The following NUDT13 variants were observed in gnomAD, a reference collection of about 807,000 sequenced individuals.
NUDT13 encodes the protein NAD(P)H pyrophosphatase NUDT13, mitochondrial.
In NUDT13, 40 loss-of-function variants were observed where a neutral mutation model predicts 41.7. The ratio of observed to expected loss-of-function variants is 0.96; its 90% confidence interval spans 0.75 to 1.25. The LOEUF (loss-of-function observed/expected upper bound fraction) is 1.25, where lower values mean the gene tolerates loss of function less well. NUDT13 is among the 50% of genes most tolerant of loss of function. NUDT13 has a pLI of 0.00. For synonymous variants in NUDT13, 145 were observed against 155.5 expected, an observed-to-expected ratio of 0.93 and a Z score of 0.50; for missense variants, 390 against 416.1, an observed-to-expected ratio of 0.94 and a Z score of 0.55.
chr10:73,124,814 A>C, intron 5 of NUDT13: 1 of 245,932 alleles, frequency 4.1e-6, no homozygotes. Context: ...TGTACTGGGA[A>C]TGTTTTATTT....
chr10:73,125,259 A>G lies in NUDT13; in HGVS notation c.591+16A>G. 1.9e-6 allele frequency: 3 copies of G among 1,607,130 alleles called. No homozygotes were observed. Among genetic ancestry groups the G allele is most frequent in the Non-Finnish European group, 2.5e-6 (3 of 1,176,898 alleles). On this transcript the variant is annotated intron_variant, in intron 6 of 8. Transcript: ENST00000357321. ...TTATCCACAGGTAATTATTGCTGTA[A>G]GAGGACAGTAATCCAAGAAGACTGT... is the stretch of plus-strand genomic sequence containing the variant.
At chr10:73,124,410 T>C in intron 5 of NUDT13, 90 bp downstream of exon 5, 1 of 839,814 alleles carries the variant, frequency 1.2e-6, no homozygotes, top group Non-Finnish European at 2.0e-6. Flanking sequence ...GAGTGACGTT[T>C]GATTTCTTCT....
chr10:73,130,629 T>G, intron 8 of NUDT13, 74 bp from the exon 9 acceptor site: 1 of 1,246,192 alleles, frequency 8.0e-7, no homozygotes, highest in Non-Finnish European at 1.2e-6. Context: ...AGAATCATTT[T>G]CTGACCTTTG....
chr10:73,125,652 T>TATATAC, intron 7 of NUDT13, 143 bp downstream of exon 7: 1 of 68,118 alleles, frequency 1.5e-5, no homozygotes, highest in Non-Finnish European at 2.5e-5. Context: ...TCTGGCATTT[T>TATATAC]ATATATATAT....
At position 73,122,114 on chromosome 10, in the gene NUDT13, G is replaced by GTAGT. The variant is rs1437291010; in HGVS notation, c.224-60_224-57dup. 4 of 1,557,804 alleles carry GTAGT rather than the reference G, an allele frequency of 2.6e-6. 1 individual carries two copies. The East Asian group carries it at 9.1e-5, about 35-fold the overall frequency. ...GATTTTCTGTGAGTCTAATATGGCT[G>GTAGT]TAGTGATTTAATAGAAACCCTTGTG... On this transcript the variant is annotated intron_variant, in intron 3 of 8. Transcript: ENST00000357321.
intron 1 of NUDT13, among the ~76,000 whole-genome samples, chr10:73,111,229 C>T (rs1842359076): frequency 6.6e-6 from 1 of 152,088 alleles, no homozygotes. Flanking sequence ...CCGCCCACCT[C>T]GGCCTCCCAA....
chr10:73,114,285 C>A (rs1842443196), intron 1 of NUDT13, 72 bp from the exon 2 acceptor site: 1 of 656,576 alleles, frequency 1.5e-6, no homozygotes, highest in Non-Finnish European at 2.5e-6. Context: ...TAAAGTATAA[C>A]CCTCTTGGCA....
At chr10:73,112,846 A>C (rs1302803750) in intron 1 of NUDT13, among the ~76,000 whole-genome samples, 2 of 151,160 alleles carry the variant, frequency 1.3e-5, no homozygotes, top group Non-Finnish European at 3.0e-5. Context: ...CCCTGTTACT[A>C]TATATATATA....
intron 2 of NUDT13, among the ~76,000 whole-genome samples, chr10:73,115,386 C>G (rs1479594981): frequency 1.3e-5 from 2 of 152,018 alleles, no homozygotes; most frequent in African/African-American, 4.8e-5. Context: ...CCATGTTGTC[C>G]ATGCTGGTCT....
At chr10:73,125,707 G>A (rs1842758628) in intron 7 of NUDT13, among the ~76,000 whole-genome samples, 198 bp downstream of exon 7, 1 of 144,686 alleles carries the variant, frequency 6.9e-6, no homozygotes, top group Admixed American at 6.8e-5. Flanking sequence ...TTTTTGAGAT[G>A]GGAGTCTCAC....
chr10:73,121,303 C>T (rs1842641106), intron 3 of NUDT13, among the ~76,000 whole-genome samples: 1 of 152,194 alleles, frequency 6.6e-6, no homozygotes, highest in South Asian at 2.1e-4. Flanking sequence ...TATATACTAA[C>T]TTCCGTATTG....
rs1308051472 is a variant in NUDT13, at chr10:73,124,077, C to T, written c.359-137C>T. On this transcript the variant is annotated intron_variant, in intron 4 of 8. Transcript: ENST00000357321. ...TCAGTCTCCTGAGTAGCTGGGACTA[C>T]AGGCACACGCCCCCCACACCTAGCT... is the stretch of plus-strand genomic sequence containing the variant. 4.9e-6 allele frequency: 3 copies of T among 616,450 alleles called. No homozygotes were observed. The East Asian group carries it at 8.3e-5, about 17-fold the overall frequency. The allele number at this position is 616,450 out of a possible 1,614,324, so 38.2% of individuals were successfully genotyped here. A position where few individuals can be genotyped will look rare whatever the true frequency, so the allele number is the denominator to read the frequency against.
rs189242993 is a variant in NUDT13 at position 73,129,267 on chromosome 10, G to A, written c.859-1436G>A. Among the ~76,000 whole-genome samples the A allele has an allele frequency of 4.7e-5, 7 of 147,538 alleles. 1 individual carries two copies. Among genetic ancestry groups the A allele is most frequent in the Admixed American group, 3.4e-4 (5 of 14,576 alleles). ...AGCTCACTGCAACCTTCGCCTCCCA[G>A]GTTCAAGCAATTCTCCTGCCTCAGC... On this transcript the variant is annotated intron_variant, in intron 8 of 8. Transcript: ENST00000357321.
At chr10:73,122,529 T>A (rs1842669185) in intron 4 of NUDT13, among the ~76,000 whole-genome samples, 1 of 152,204 alleles carries the variant, frequency 6.6e-6, no homozygotes, top group Admixed American at 6.5e-5. Context: ...GGTACATGAA[T>A]ATTTATGGTA....
At chr10:73,120,244 G>C (rs1842612083) in intron 3 of NUDT13, 87 bp downstream of exon 3, 1 of 1,381,990 alleles carries the variant, frequency 7.2e-7, no homozygotes, top group African/African-American at 1.5e-5. Flanking sequence ...AAAGATCCTT[G>C]AACTTTGGAG....
intron 3 of NUDT13, among the ~76,000 whole-genome samples, chr10:73,120,638 T>C (rs774742863): frequency 2.0e-5 from 3 of 152,114 alleles, no homozygotes; most frequent in Non-Finnish European, 4.4e-5. Context: ...ACAGTTATGC[T>C]AATTCAGAGT....
chr10:73,123,220 T>A (rs1842690215), intron 4 of NUDT13, among the ~76,000 whole-genome samples: 4 of 152,204 alleles, frequency 2.6e-5, no homozygotes, highest in Admixed American at 2.0e-4. Context: ...TATTTCAGTA[T>A]TTCATAAGAA....
chr10:73,129,947 C>G (rs1039646191), intron 8 of NUDT13, among the ~76,000 whole-genome samples: 4 of 149,518 alleles, frequency 2.7e-5, no homozygotes, highest in African/African-American at 9.9e-5. Context: ...CCATTGCCCT[C>G]TAGCCTGGGT....
chr10:73,122,525 T>A (rs960511518), intron 4 of NUDT13, among the ~76,000 whole-genome samples: 1 of 152,196 alleles, frequency 6.6e-6, no homozygotes, highest in African/African-American at 2.4e-5. Flanking sequence ...GATGGGTACA[T>A]GAATATTTAT....
Sources: allele counts gnomAD v4.1 joint callset (sites outside exome capture counted in the v4.1 genomes callset), GRCh38; gene constraint gnomAD v4.1.1; transcripts MANE v1.5; gene names NCBI Gene and HGNC (gene_info 2026-07-23, HGNC 2026-07-21).